Variants in CEP57 observed in about 807,000 individuals in gnomAD.
CEP57 encodes the protein centrosomal protein of 57 kDa.
CEP57 carries 40 observed loss-of-function variants against 68.0 expected under a neutral mutation model. That is an observed-to-expected ratio of 0.59 (90% CI 0.46 to 0.77). CEP57 has a LOEUF of 0.77. CEP57 is among the 30% of genes least tolerant of loss of function. The pLI, the probability that CEP57 is intolerant of heterozygous loss-of-function variation, is 0.00. For missense variants in CEP57, 606 were observed against 580.7 expected (o/e 1.04, Z -0.45); for synonymous variants, 219 against 198.7 (o/e 1.10, Z -0.86).
chr11:95,820,035 G>C (rs1862458022), intron 6 of CEP57, among the ~76,000 whole-genome samples: 1 of 152,032 alleles, frequency 6.6e-6, no homozygotes. Context: ...TTCCATACTT[G>C]TAACAAACAA....
intron 5 of CEP57, 43 bp downstream of exon 5, chr11:95,817,946 GT>G (rs528485045): frequency 1.6e-4 from 190 of 1,159,384 alleles, no homozygotes; most frequent in Non-Finnish European, 1.9e-4. Flanking sequence ...TATCAGGGTG[GT>G]TTTTTTTTAA....
intron 2 of CEP57, among the ~76,000 whole-genome samples, chr11:95,811,000 T>C (rs1028141236): frequency 5.3e-5 from 8 of 152,202 alleles, no homozygotes; most frequent in Admixed American, 3.9e-4. Context: ...GATCGTAAAC[T>C]AGTTCAACCA....
chr11:95,821,875 A>G lies in CEP57; in HGVS notation c.704A>G (p.Gln235Arg), dbSNP rs2135351781. ...KRMQAKAAELQTGLETNRLIF... is the reference protein window; with the variant it reads ...KRMQAKAAELRTGLETNRLIF... ...TGAGGCTCTCATTTTTCCTAGTTGC[A>G]GACTGGTCTAGAAACAAATAGACTT... is the stretch of plus-strand genomic sequence containing the variant. Residue 235 changes from glutamine to arginine, a missense_variant, in exon 7 of 11, where the codon CAG (glutamine) becomes CGG (arginine). Coordinates refer to ENST00000325542, the MANE Select transcript of CEP57 (RefSeq NM_014679.5). 1 of 1,606,160 alleles carries G rather than the reference A, an allele frequency of 6.2e-7. No individual in the cohort carries two copies. Among genetic ancestry groups the G allele is most frequent in the African/African-American group, 1.3e-5 (1 of 74,846 alleles).
chr11:95,800,196 G>A (rs1204682796), intron 2 of CEP57, among the ~76,000 whole-genome samples: 1 of 152,124 alleles, frequency 6.6e-6, no homozygotes, highest in Non-Finnish European at 1.5e-5. Context: ...TAGAGGCTCT[G>A]GGGAAGATCT....
intron 2 of CEP57, among the ~76,000 whole-genome samples, chr11:95,802,456 T>C (rs1019308219): frequency 1.3e-5 from 2 of 152,098 alleles, no homozygotes; most frequent in African/African-American, 2.4e-5. Flanking sequence ...GGTTTAACCA[T>C]GTTGGCCAGG....
chr11:95,810,859 T>C (rs1862030238), intron 2 of CEP57, among the ~76,000 whole-genome samples: 1 of 152,154 alleles, frequency 6.6e-6, no homozygotes, highest in Non-Finnish European at 1.5e-5. Flanking sequence ...TTAAAGTTCA[T>C]ACAGCACCAA....
At chr11:95,818,389 C>CAAAAA (rs1862391118) in intron 5 of CEP57, among the ~76,000 whole-genome samples, 1 of 140,452 alleles carries the variant, frequency 7.1e-6, no homozygotes, top group African/African-American at 2.6e-5. Flanking sequence ...CCAGTCAGGG[C>CAAAAA]AACAAGAGCG....
intron 2 of CEP57, among the ~76,000 whole-genome samples, chr11:95,812,287 T>G (rs1862099571): frequency 6.6e-6 from 1 of 152,128 alleles, no homozygotes; most frequent in Non-Finnish European, 1.5e-5. Flanking sequence ...AAGACAGTAA[T>G]GTACTTTAGG....
At chr11:95,823,916 A>C (rs1862622719) in intron 8 of CEP57, among the ~76,000 whole-genome samples, 1 of 152,134 alleles carries the variant, frequency 6.6e-6, no homozygotes, top group Non-Finnish European at 1.5e-5. Context: ...ACCCATATCA[A>C]GTGCTACTAA....
chr11:95,790,101 A>G (rs182834389), upstream of CEP57: 4 of 158,678 alleles, frequency 2.5e-5, no homozygotes, highest in East Asian at 1.9e-4. Flanking sequence ...ATTGGACTAA[A>G]TCGTTAAGTC....
chr11:95,829,041 C>CA (rs397729482), intron 9 of CEP57, 146 bp from the exon 10 acceptor site: 81,391 of 612,378 alleles, frequency 0.13, 689 homozygotes, highest in African/African-American at 0.24. Context: ...GACTCCGTCT[C>CA]AAAAAAAAAA....
chr11:95,815,376 CTG>C (rs932988124), intron 4 of CEP57: 3 of 152,108 alleles, frequency 2.0e-5, no homozygotes, highest in South Asian at 2.1e-4. Flanking sequence ...TACTGTTACT[CTG>C]TGGTTTTTAT....
In CEP57 at chr11:95,831,677, A is replaced by AG. The variant is rs1392010997; in HGVS notation, c.*423dup. 1 of 152,660 alleles carries AG rather than the reference A, an allele frequency of 6.6e-6. No homozygotes were observed. Among genetic ancestry groups the AG allele is most frequent in the East Asian group, 1.9e-4 (1 of 5,230 alleles). The allele number at this position is 152,660 out of a possible 1,614,324, so 9.5% of individuals were successfully genotyped here. On this transcript the variant is annotated 3_prime_UTR_variant, in exon 11 of 11. Coordinates refer to ENST00000325542, the MANE Select transcript of CEP57 (RefSeq NM_014679.5). ...CTCATTTTTAAATCTCCCTGGCATG[A>AG]GGTGCCCACTTCCCCTTTCCAAAGC...
intron 6 of CEP57, among the ~76,000 whole-genome samples, chr11:95,819,440 G>A (rs1008960443): frequency 6.6e-6 from 1 of 152,160 alleles, no homozygotes; most frequent in African/African-American, 2.4e-5. Flanking sequence ...AGGCAGTGTG[G>A]ATTCACAAAA....
chr11:95,808,744 CAAT>C (rs1189457554), intron 2 of CEP57, among the ~76,000 whole-genome samples: 4 of 152,176 alleles, frequency 2.6e-5, no homozygotes, highest in African/African-American at 9.6e-5. Flanking sequence ...GACTCCCACA[CAAT>C]AATAATGGGA....
upstream of CEP57, chr11:95,790,387 G>C (rs541733528): frequency 1.0e-5 from 5 of 480,902 alleles, no homozygotes; most frequent in African/African-American, 1.9e-5. Context: ...AGCGGGCCCC[G>C]TTACGCGCTA....
intron 2 of CEP57, among the ~76,000 whole-genome samples, chr11:95,811,567 C>A (rs1862062594): frequency 6.8e-6 from 1 of 148,082 alleles, no homozygotes. Context: ...TACCCTAGAG[C>A]TTAAAGTATA....
At chr11:95,796,410 T>C (rs562380200) in intron 1 of CEP57, among the ~76,000 whole-genome samples, 4 of 152,354 alleles carry the variant, frequency 2.6e-5, no homozygotes, top group East Asian at 3.9e-4. Flanking sequence ...GGAGTTAGAA[T>C]TGGGCTCCTT....
At chr11:95,793,811 T>C (rs1010287784) in intron 1 of CEP57, among the ~76,000 whole-genome samples, 2 of 152,226 alleles carry the variant, frequency 1.3e-5, no homozygotes, top group Admixed American at 1.3e-4. Context: ...TTGGATTTAA[T>C]GGGTTTTGCT....
Sources: allele counts gnomAD v4.1 joint callset (sites outside exome capture counted in the v4.1 genomes callset), GRCh38; gene constraint gnomAD v4.1.1; transcripts MANE v1.5; gene names NCBI Gene and HGNC (gene_info 2026-07-23, HGNC 2026-07-21).